Variants in IL12RB2 observed in about 807,000 individuals in gnomAD.
IL12RB2 encodes the protein interleukin 12 receptor subunit beta 2.
IL12RB2 carries 82 observed loss-of-function variants against 89.4 expected under a neutral mutation model. The observed-to-expected ratio is 0.92, with a 90% CI of 0.77 to 1.10. The LOEUF (loss-of-function observed/expected upper bound fraction) is 1.10. IL12RB2 is among the 50% of genes least tolerant of loss of function. IL12RB2 has a pLI of 0.00. For missense variants in IL12RB2, 963 were observed against 1,031.9 expected, an observed-to-expected ratio of 0.93 and a Z score of 0.92; for synonymous variants, 368 against 370.1, an observed-to-expected ratio of 0.99 and a Z score of 0.07.
At chr1:67,361,773 T>C (rs1034334121) in intron 10 of IL12RB2, among the ~76,000 whole-genome samples, 4 of 152,082 alleles carry the variant, frequency 2.6e-5, no homozygotes, top group African/African-American at 9.7e-5. Flanking sequence ...ATCAAATTAA[T>C]GTCAGACACC....
intron 2 of IL12RB2, among the ~76,000 whole-genome samples, chr1:67,317,954 A>T (rs1175515033): frequency 6.6e-6 from 1 of 152,232 alleles, no homozygotes; most frequent in Non-Finnish European, 1.5e-5. Context: ...GGTGATGAGT[A>T]AAAAATCAAC....
chr1:67,382,830 C>A (rs1379100816), intron 14 of IL12RB2, among the ~76,000 whole-genome samples: 2 of 151,900 alleles, frequency 1.3e-5, no homozygotes, highest in African/African-American at 2.4e-5. Context: ...CTCAGCCTCA[C>A]AAGTAGTTGA....
In IL12RB2 at chr1:67,319,166, A is replaced by G. The variant is rs112671276; in HGVS notation, c.-36-1167A>G. Among the ~76,000 whole-genome samples, 433 of 152,346 alleles carry G rather than the reference A, an allele frequency of 2.8e-3. 6 individuals carry two copies. The highest frequency in any genetic ancestry group is 9.8e-3 in the African/African-American group (406 of 41,582). ...CTGAAGCTCTTCAATATTTTCTGGC[A>G]TATGTCTAGGTATGGGGTTAAGAGG... On this transcript the variant is annotated intron_variant, in intron 2 of 16. Coordinates refer to ENST00000674203, the MANE Select transcript of IL12RB2 (RefSeq NM_001374259.2).
At chr1:67,318,343 G>C (rs1298710118) in intron 2 of IL12RB2, among the ~76,000 whole-genome samples, 1 of 152,166 alleles carries the variant, frequency 6.6e-6, no homozygotes, top group Non-Finnish European at 1.5e-5. Flanking sequence ...TAGTGGTGGT[G>C]TGCAGGGGGT....
intron 16 of IL12RB2, among the ~76,000 whole-genome samples, chr1:67,393,961 A>T (rs577131183): frequency 5.3e-5 from 8 of 152,336 alleles, no homozygotes; most frequent in African/African-American, 1.9e-4. Flanking sequence ...AAAGTATCAC[A>T]TGCCAAGAAC....
At chr1:67,328,660 T>C (rs1414836767) in intron 6 of IL12RB2, among the ~76,000 whole-genome samples, 1 of 152,206 alleles carries the variant, frequency 6.6e-6, no homozygotes, top group Non-Finnish European at 1.5e-5. Context: ...CTACTAATGA[T>C]ACCACCTGAC....
intron 13 of IL12RB2, among the ~76,000 whole-genome samples, chr1:67,375,773 C>G (rs1272330951): frequency 6.6e-6 from 1 of 151,934 alleles, no homozygotes; most frequent in Non-Finnish European, 1.5e-5. Context: ...CACAGCCACT[C>G]CTCTGGAAGC....
chr1:67,393,718 A>G (rs1666073111), intron 16 of IL12RB2, among the ~76,000 whole-genome samples: 1 of 152,098 alleles, frequency 6.6e-6, no homozygotes. Context: ...AAGGGAGGGG[A>G]TGTAAGAAGA....
At position 67,326,844 on chromosome 1, in the gene IL12RB2, T is replaced by G. The variant is rs201483147; in HGVS notation, c.474T>G (p.Thr158=). Residue 158 remains threonine (T), a synonymous_variant, in exon 5 of 17, where the codon ACT becomes ACG. Transcript: ENST00000674203. ...ACACCCACTTATACACTGAGTATAC[T>G]CTACAGTGAGTGAGAGGCTGTATTT... ...GRDTHLYTEY[T]LQLSGPKNLT... is the part of the protein sequence containing the mutation. The G allele has an allele frequency of 1.3e-6, 2 of 1,553,814 alleles. No individual in the cohort carries two copies. The highest frequency in any genetic ancestry group is 1.7e-5 in the Admixed American group (1 of 58,656).
intron 13 of IL12RB2, among the ~76,000 whole-genome samples, chr1:67,375,940 G>A (rs1261076419): frequency 8.0e-5 from 12 of 150,086 alleles, no homozygotes; most frequent in South Asian, 2.1e-4. Flanking sequence ...TCTGCCTCCC[G>A]GGTTCACGCC....
chr1:67,321,517 C>G (rs1656522731), intron 3 of IL12RB2, 85 bp from the exon 4 acceptor site: 14 of 863,004 alleles, frequency 1.6e-5, no homozygotes, highest in South Asian at 1.3e-4. Context: ...TTAATTTTAC[C>G]CTGTTTTGGG....
intron 11 of IL12RB2, among the ~76,000 whole-genome samples, chr1:67,371,300 T>G (rs1663274341): frequency 1.3e-5 from 2 of 152,230 alleles, no homozygotes; most frequent in Admixed American, 1.3e-4. Context: ...CAGCACTGGT[T>G]GCACAACTGA....
chr1:67,319,650 C>G (rs1341052853), intron 2 of IL12RB2, among the ~76,000 whole-genome samples: 3 of 152,156 alleles, frequency 2.0e-5, no homozygotes, highest in African/African-American at 7.2e-5. Flanking sequence ...TTGTGTGGGA[C>G]TAAGTCTCAG....
At position 67,372,783 on chromosome 1, in the gene IL12RB2, G is replaced by A. The variant is rs776417650; in HGVS notation, c.1717G>A (p.Glu573Lys). ...RDSNSQPQLC[E>K]IPYRVSQNSH... ...CTCCAACTCCCAGCCTCAGCTCTGT[G>A]GTATGTGTGAGAACCAAATGCAGTG... Residue 573 changes from glutamate (E) to lysine (K), a missense_variant and splice_region_variant, in exon 13 of 17, where the codon GAA becomes AAA. Coordinates refer to ENST00000674203, the MANE Select transcript of IL12RB2 (RefSeq NM_001374259.2). The A allele has an allele frequency of 1.7e-5, 28 of 1,603,222 alleles. No individual in the cohort carries two copies. The highest frequency in any genetic ancestry group is 2.3e-5 in the Non-Finnish European group (27 of 1,170,354).
intron 10 of IL12RB2, among the ~76,000 whole-genome samples, chr1:67,354,159 G>C (rs1001710545): frequency 3.9e-5 from 6 of 152,184 alleles, no homozygotes; most frequent in African/African-American, 1.4e-4. Flanking sequence ...TCTAGGAACA[G>C]AGAAAAGCCA....
chr1:67,375,687 C>A (rs1300101603), intron 13 of IL12RB2, among the ~76,000 whole-genome samples: 1 of 152,064 alleles, frequency 6.6e-6, no homozygotes, highest in Non-Finnish European at 1.5e-5. Flanking sequence ...CCTGCCTTGG[C>A]AGAGGAGGGT....
rs745705082 is a variant in IL12RB2, at chr1:67,397,882, A to G, written c.*1793A>G. ...GTGTACTTCTTGCCTAACGTGAGGAACTAAAAACTTGTCCATGCATACCCC... is the reference window on the plus strand; with the variant it reads ...GTGTACTTCTTGCCTAACGTGAGGAGCTAAAAACTTGTCCATGCATACCCC... On this transcript the variant is annotated 3_prime_UTR_variant, in exon 17 of 17. Transcript: ENST00000674203. Among the ~76,000 whole-genome samples, 9 of 152,132 alleles carry G rather than the reference A, an allele frequency of 5.9e-5. No individual in the cohort carries two copies. The highest frequency in any genetic ancestry group is 1.2e-4 in the Non-Finnish European group (8 of 68,032).
chr1:67,324,436 G>A (rs1465237236), intron 4 of IL12RB2, among the ~76,000 whole-genome samples: 1 of 152,022 alleles, frequency 6.6e-6, no homozygotes, highest in Non-Finnish European at 1.5e-5. Context: ...TGGCCAGACT[G>A]GTCTCTAATT....
chr1:67,341,526 A>G (rs57664867), intron 9 of IL12RB2, among the ~76,000 whole-genome samples: 1 of 41,698 alleles, frequency 2.4e-5, no homozygotes, highest in African/African-American at 5.1e-5. Flanking sequence ...AAGAAAAAAG[A>G]AAGAGAAAGA....
Sources: allele counts gnomAD v4.1 joint callset (sites outside exome capture counted in the v4.1 genomes callset), GRCh38; gene constraint gnomAD v4.1.1; transcripts MANE v1.5; gene names NCBI Gene and HGNC (gene_info 2026-07-23, HGNC 2026-07-21).